VAV2: variants seen among roughly 807,000 people sequenced by gnomAD.
VAV2 encodes vav guanine nucleotide exchange factor 2, also known as guanine nucleotide exchange factor VAV2.
In VAV2, 67 loss-of-function variants were observed where a neutral mutation model predicts 132.5. The ratio of observed to expected loss-of-function variants is 0.51; its 90% CI spans 0.42 to 0.62. The LOEUF is 0.62. Among genes scored for constraint, VAV2 ranks in the 20% least tolerant of loss-of-function variants. VAV2 has a pLI of 0.00. For missense variants in VAV2, 938 were observed against 1,153.6 expected, an observed-to-expected ratio of 0.81 and a Z score of 2.71; for synonymous variants, 492 against 443.5, an observed-to-expected ratio of 1.11 and a Z score of -1.37.
Position 133,795,774 on chromosome 9 carries a change from G to A in VAV2, c.1033-38C>T, listed in dbSNP as rs367841399. The A allele has an allele frequency of 9.8e-5, 158 of 1,607,038 alleles. 1 individual carries two copies. In the South Asian group the frequency reaches 1.5e-3, roughly 15 times the overall value. On this transcript the variant is annotated intron_variant, in intron 11 of 29. Transcript: ENST00000371850. ...GAAGAGTGTCATGTGTTACCACTCG[G>A]GGGTTCTGGCCTCTGCCCTGGCCCC...
intron 19 of VAV2, among the ~76,000 whole-genome samples, chr9:133,782,160 T>C (rs1834034122): frequency 6.6e-6 from 1 of 152,100 alleles, no homozygotes; most frequent in South Asian, 2.1e-4. Context: ...GAAGGAAATA[T>C]ACCGAAACAT....
At chr9:133,898,003 A>C (rs1839280692) in intron 2 of VAV2, among the ~76,000 whole-genome samples, 1 of 152,118 alleles carries the variant, frequency 6.6e-6, no homozygotes, top group Non-Finnish European at 1.5e-5. Context: ...GGGGCCCAGC[A>C]GGGCTTAGGG....
chr9:133,939,192 A>G lies in VAV2; in HGVS notation c.232T>C (p.Phe78Leu). The stretch of plus-strand genomic sequence containing the variant: ...AATTTATCGTGGCAGACTTTCAGGA[A>G]GGTGCGTATGTTCTTCAAACACAGA... Reference protein sequence around the residue: ...QFLCLKNIRTFLKVCHDKFGL... With the variant: ...QFLCLKNIRTLLKVCHDKFGL... The change falls in exon 2 of 30, where the codon TTC becomes CTC. Residue 78 changes from phenylalanine to leucine, a missense_variant. Transcript: ENST00000371850. 2 of 1,614,262 alleles carry G rather than the reference A, an allele frequency of 1.2e-6. No individual in the cohort carries two copies. The highest frequency in any genetic ancestry group is 1.7e-6 in the Non-Finnish European group (2 of 1,180,044).
intron 1 of VAV2, among the ~76,000 whole-genome samples, chr9:133,977,184 GC>G (rs1309146704): frequency 3.3e-5 from 5 of 152,154 alleles, no homozygotes; most frequent in Non-Finnish European, 5.9e-5. Flanking sequence ...GCAGAGTGAG[GC>G]CCCCCCAGCA....
chr9:133,788,391 A>G lies in VAV2; in HGVS notation c.1370T>C (p.Met457Thr). The G allele has an allele frequency of 6.2e-7, 1 of 1,611,368 alleles. No homozygotes were observed. The highest frequency in any genetic ancestry group is 8.5e-7 in the Non-Finnish European group (1 of 1,177,754). Residue 457 changes from methionine (M) to threonine (T), a missense_variant, in exon 15 of 30, where the codon ATG (methionine) becomes ACG (threonine). Coordinates refer to ENST00000371850, the MANE Select transcript of VAV2 (RefSeq NM_001134398.2). This position sits in a 1 kb window ranked among gnomAD's most constrained non-coding sequence, Gnocchi z 5.3. ...KEIIELLFHKMTDDPMNNKDV... is the reference protein window; with the variant it reads ...KEIIELLFHKTTDDPMNNKDV... ...CTTGTTGTTCATGGGGTCGTCGGTCATCTTGTGGAACAGCAGCTCGATGAT... is the reference window on the plus strand; with the variant it reads ...CTTGTTGTTCATGGGGTCGTCGGTCGTCTTGTGGAACAGCAGCTCGATGAT...
At chr9:133,963,353 G>A (rs10119757) in intron 1 of VAV2, among the ~76,000 whole-genome samples, 51,741 of 152,030 alleles carry the variant, frequency 0.34, 9,097 homozygotes, top group African/African-American at 0.41. Flanking sequence ...GAGAGGGCAC[G>A]GAGGCCATCA....
At chr9:133,847,340 C>A (rs185753110) in intron 3 of VAV2, among the ~76,000 whole-genome samples, 2 of 152,356 alleles carry the variant, frequency 1.3e-5, no homozygotes, top group African/African-American at 4.8e-5. Context: ...CTAGCCGGGA[C>A]CTTGCACCGC....
intron 3 of VAV2, among the ~76,000 whole-genome samples, chr9:133,858,228 G>A (rs944959188): frequency 6.6e-6 from 1 of 152,204 alleles, no homozygotes; most frequent in African/African-American, 2.4e-5. Context: ...TTATGGTGGG[G>A]CTGTGGGCAT....
Position 133,984,703 on chromosome 9 carries a change from T to C in VAV2, c.204+7372A>G, listed in dbSNP as rs1842796681. On this transcript the variant is annotated intron_variant, in intron 1 of 29. Coordinates refer to ENST00000371850, the MANE Select transcript of VAV2 (RefSeq NM_001134398.2). Reference sequence around the variant, plus strand: ...CAGTAATGCCCCTGTTGAAAATGCATAGGCTACCAGCATGGCCAACGTGTC... The same window carrying C: ...CAGTAATGCCCCTGTTGAAAATGCACAGGCTACCAGCATGGCCAACGTGTC... 2.6e-5 allele frequency among the ~76,000 whole-genome samples: 4 copies of C among 152,160 alleles called. No homozygotes were observed. The South Asian group carries it at 6.2e-4, about 24-fold the overall frequency.
rs1267642044 is a variant in VAV2 at position 133,788,458 on chromosome 9, T to C, written c.1303A>G (p.Ile435Val). 1 of 1,611,096 alleles carries C rather than the reference T, an allele frequency of 6.2e-7. No homozygotes were observed. Among genetic ancestry groups the C allele is most frequent in the African/African-American group, 1.3e-5 (1 of 74,878 alleles). ...RYLFLFDKVV[I>V]VCKRKGYSYE... ...CTGTAGCCCTTCCGCTTGCAGACGA[T>C]GACCACCTTGTCAAACAGGAACAAG... Residue 435 changes from isoleucine to valine, a missense_variant, in exon 15 of 30, where the codon ATC (isoleucine) becomes GTC (valine). Transcript: ENST00000371850. This position sits in a 1 kb window ranked among gnomAD's most constrained non-coding sequence, Gnocchi z 5.3.
At chr9:133,775,385 G>C (rs75643915) in intron 24 of VAV2, among the ~76,000 whole-genome samples, 268 of 152,324 alleles carry the variant, frequency 1.8e-3, no homozygotes, top group African/African-American at 6.2e-3. Flanking sequence ...GGAGTTCAGC[G>C]TATTCAGTAG....
At chr9:133,948,174 G>C (rs896472990) in intron 1 of VAV2, among the ~76,000 whole-genome samples, 19 of 152,246 alleles carry the variant, frequency 1.2e-4, no homozygotes, top group Non-Finnish European at 1.9e-4. Flanking sequence ...CACTGCTCCA[G>C]GCAGGGAAAG....
intron 1 of VAV2, among the ~76,000 whole-genome samples, chr9:133,943,634 C>A (rs1227815117): frequency 6.6e-6 from 1 of 152,194 alleles, no homozygotes; most frequent in Admixed American, 6.5e-5. Flanking sequence ...GCCCTCTCCC[C>A]CAGGCTGGCG....
At chr9:133,900,583 G>A (rs1588339007) in intron 2 of VAV2, among the ~76,000 whole-genome samples, 1 of 152,082 alleles carries the variant, frequency 6.6e-6, no homozygotes, top group African/African-American at 2.4e-5. Flanking sequence ...CACCCAGAAG[G>A]AAGGGGCGCG....
intron 1 of VAV2, among the ~76,000 whole-genome samples, chr9:133,975,282 C>T (rs574789639): frequency 4.1e-4 from 62 of 152,242 alleles, no homozygotes; most frequent in African/African-American, 1.4e-3. Flanking sequence ...TCGCTCAGTG[C>T]TCAGTGGGCC....
In VAV2 at chr9:133,863,366, C is replaced by T. The variant is rs1837673894; in HGVS notation, c.322-1934G>A. Among the ~76,000 whole-genome samples the T allele has an allele frequency of 6.6e-6, 1 of 152,190 alleles. No individual in the cohort carries two copies. Among genetic ancestry groups the T allele is most frequent in the South Asian group, 2.1e-4 (1 of 4,830 alleles). On this transcript the variant is annotated intron_variant, in intron 2 of 29. Coordinates refer to ENST00000371850, the MANE Select transcript of VAV2 (RefSeq NM_001134398.2). This position sits in a 1 kb window ranked among gnomAD's most constrained non-coding sequence, Gnocchi z 5.0. ...CACCAGCATTCGGTCAGCGCTGACA[C>T]ACAAGAACCTGTTTGTCAACCTGGA...
intron 1 of VAV2, among the ~76,000 whole-genome samples, chr9:133,949,109 C>T (rs540037864): frequency 6.6e-6 from 1 of 152,306 alleles, no homozygotes; most frequent in Non-Finnish European, 1.5e-5. Context: ...ACGCTGGGCC[C>T]TCCTGCTTCC....
At position 133,763,943 on chromosome 9, in the gene VAV2, G is replaced by T; in HGVS notation, c.*119C>A. On this transcript the variant is annotated 3_prime_UTR_variant, in exon 30 of 30. Transcript: ENST00000371850. The surrounding 1 kb of genome is among the most constrained non-coding windows in gnomAD (Gnocchi z 6.8). ...CTCAACACCCTCCCTATCCCTGTGG[G>T]CAGTGGAAGACTGGGAGGTTGGTAT... The T allele has an allele frequency of 1.6e-6, 2 of 1,217,498 alleles. No individual in the cohort carries two copies. The highest frequency in any genetic ancestry group is 2.4e-6 in the Non-Finnish European group (2 of 831,580). The allele number at this position is 1,217,498 out of a possible 1,614,324, so 75.4% of individuals were successfully genotyped here.
At chr9:133,990,976 C>T (rs1564530678) in intron 1 of VAV2, among the ~76,000 whole-genome samples, 1 of 152,206 alleles carries the variant, frequency 6.6e-6, no homozygotes, top group Non-Finnish European at 1.5e-5. Context: ...TCCTAGGAAA[C>T]GCAGTCACCG....
Sources: allele counts gnomAD v4.1 joint callset (sites outside exome capture counted in the v4.1 genomes callset), GRCh38; gene constraint gnomAD v4.1.1; non-coding constraint Gnocchi (gnomAD v3.1); transcripts MANE v1.5; gene names NCBI Gene and HGNC (gene_info 2026-07-23, HGNC 2026-07-21).